The following EGFL6 variants were observed in gnomAD, a reference collection of about 807,000 sequenced individuals.
The protein encoded by EGFL6 is epidermal growth factor-like protein 6.
A neutral mutation model predicts 43.1 loss-of-function variants in EGFL6; 42 were observed. That is an observed-to-expected ratio of 0.98 (90% CI 0.76 to 1.26). The LOEUF (loss-of-function observed/expected upper bound fraction) is 1.26, where lower values mean the gene tolerates loss of function less well. Among genes scored for constraint, EGFL6 ranks in the 50% most tolerant of loss-of-function variants. The probability of loss-of-function intolerance (pLI) is 0.00; values close to 1 mark genes in which losing one functional copy is unlikely to be tolerated. For synonymous variants in EGFL6, 164 were observed against 163.2 expected (o/e 1.01, Z -0.04); for missense variants, 429 against 427.8 (o/e 1.00, Z -0.02).
chrX:13,575,028 A>G (rs2045463896), intron 1 of EGFL6: 1 of 115,624 alleles, frequency 8.6e-6, no homozygotes, highest in African/African-American at 3.2e-5. Flanking sequence ...TGATTCTGAT[A>G]TCATTAGAAG....
intron 9 of EGFL6, among the ~76,000 whole-genome samples, chrX:13,619,676 CAATA>C (rs1345122848): frequency 8.9e-6 from 1 of 111,973 alleles, no homozygotes; most frequent in Non-Finnish European, 1.9e-5. Flanking sequence ...TGGCCTACAG[CAATA>C]AATATTTATT....
At position 13,633,282 on chromosome X, in the gene EGFL6, T is replaced by C. The variant is rs759203618; in HGVS notation, c.*187T>C. 1 of 367,449 alleles carries C rather than the reference T, an allele frequency of 2.7e-6. No homozygotes were observed. Among genetic ancestry groups the C allele is most frequent in the East Asian group, 4.9e-5 (1 of 20,317 alleles). The allele number at this position is 367,449 out of a possible 1,213,427, so 30.3% of individuals were successfully genotyped here. On this transcript the variant is annotated 3_prime_UTR_variant, in exon 12 of 12. Transcript: ENST00000361306. ...TTGCTTTAAATATCATATCACTGTA[T>C]CTTCTCAGTCATTTCTGAATCTTTC...
intron 5 of EGFL6, among the ~76,000 whole-genome samples, chrX:13,603,976 A>G (rs956916661): frequency 4.5e-5 from 5 of 112,272 alleles, no homozygotes; most frequent in African/African-American, 1.6e-4. Context: ...AAATGAGCAG[A>G]TTAAGTCCAT....
chrX:13,623,350 TA>T (rs1207204854), intron 9 of EGFL6, among the ~76,000 whole-genome samples: 5 of 103,236 alleles, frequency 4.8e-5, no homozygotes, highest in African/African-American at 1.8e-4. Flanking sequence ...TTTTTTTTTT[TA>T]AAAAAGGGTT....
rs2045671250 is a variant in EGFL6, at chrX:13,608,328, A to C, written c.660A>C (p.Ile220=). Residue 220 remains isoleucine (I), a synonymous_variant, in exon 7 of 12, where the codon ATA becomes ATC. Coordinates refer to ENST00000361306, the MANE Select transcript of EGFL6 (RefSeq NM_015507.4). ...YISGRYDCID[I]NECTMDSHTC... ...CACTGGAATGTTCTTTTTTAGATATAAATGAATGTACTATGGATAGCCATA... is the reference window on the plus strand; with the variant it reads ...CACTGGAATGTTCTTTTTTAGATATCAATGAATGTACTATGGATAGCCATA... 8.3e-7 allele frequency: 1 copy of C among 1,209,076 alleles called. No homozygotes were observed. Among genetic ancestry groups the C allele is most frequent in the Admixed American group, 2.2e-5 (1 of 45,646 alleles).
intron 3 of EGFL6, among the ~76,000 whole-genome samples, chrX:13,597,082 C>G (rs911835298): frequency 8.9e-6 from 1 of 111,992 alleles, no homozygotes; most frequent in African/African-American, 3.3e-5. Context: ...GAATGGAGCC[C>G]AGGGATGCCG....
intron 11 of EGFL6, among the ~76,000 whole-genome samples, chrX:13,631,779 T>G (rs965048073): frequency 9.0e-6 from 1 of 111,285 alleles, no homozygotes; most frequent in Non-Finnish European, 1.9e-5. Context: ...AGAGCAAGAC[T>G]CCGTCTCACA....
At chrX:13,632,669 TAAAG>T (rs926661281) in intron 11 of EGFL6, among the ~76,000 whole-genome samples, 11 of 111,581 alleles carry the variant, frequency 9.9e-5, no homozygotes, top group African/African-American at 3.6e-4. Flanking sequence ...TTGGTTTTTG[TAAAG>T]AAAACCATAT....
rs2045735890 is a variant in EGFL6 at position 13,619,148 on chromosome X, A to C, written c.1103-15A>C. 8.3e-7 allele frequency: 1 copy of C among 1,204,452 alleles called. No homozygotes were observed. Among genetic ancestry groups the C allele is most frequent in the Non-Finnish European group, 1.1e-6 (1 of 888,978 alleles). On this transcript the variant is annotated splice_polypyrimidine_tract_variant and intron_variant, in intron 8 of 11. Transcript: ENST00000361306. The stretch of plus-strand genomic sequence containing the variant: ...TTAAGGTTTTTTTCTTAACTGACCA[A>C]GTGTTCTTTATTAGTCCCTAAGGTG...
At chrX:13,574,246 A>G (rs965471296) in intron 1 of EGFL6, among the ~76,000 whole-genome samples, 6 of 111,996 alleles carry the variant, frequency 5.4e-5, no homozygotes, top group Admixed American at 9.4e-5. Flanking sequence ...CTTTCAGCCT[A>G]CTGTGCACAC....
At chrX:13,593,905 C>T (rs190229565) in intron 2 of EGFL6, among the ~76,000 whole-genome samples, 84 of 111,251 alleles carry the variant, frequency 7.6e-4, no homozygotes, top group African/African-American at 2.7e-3. Context: ...TACTGTGAGC[C>T]AGGGGAATTG....
At chrX:13,604,620 T>A (rs917737660) in intron 5 of EGFL6, among the ~76,000 whole-genome samples, 24 of 112,243 alleles carry the variant, frequency 2.1e-4, no homozygotes, top group Non-Finnish European at 9.4e-5. Flanking sequence ...TTTCACTTTG[T>A]GCTTTGGTTC....
chrX:13,623,377 GT>G (rs774112791), intron 9 of EGFL6, among the ~76,000 whole-genome samples: 105 of 40,348 alleles, frequency 2.6e-3, no homozygotes, highest in East Asian at 6.5e-3. Context: ...TTTATTTTGG[GT>G]TTTTTTTTTT....
chrX:13,607,283 C>G (rs754192480), intron 6 of EGFL6, among the ~76,000 whole-genome samples: 1 of 110,813 alleles, frequency 9.0e-6, no homozygotes, highest in East Asian at 2.8e-4. Flanking sequence ...TTTCTCTGCC[C>G]GTAACACGTG....
At chrX:13,596,951 C>T (rs1394122457) in intron 3 of EGFL6, among the ~76,000 whole-genome samples, 1 of 112,167 alleles carries the variant, frequency 8.9e-6, no homozygotes, top group African/African-American at 3.2e-5. Context: ...GGGATATGGT[C>T]TTTGCTATAG....
In EGFL6 at chrX:13,613,157, C is replaced by CATATATATAT. The variant is rs35293457; in HGVS notation, c.779-4560_779-4551dup. ...GAGACTTCATCTCCATAAATATATA[C>CATATATATAT]ATATATATATATATATATATATGTC... On this transcript the variant is annotated intron_variant, in intron 7 of 11. Transcript: ENST00000361306. Among the ~76,000 whole-genome samples, 427 of 89,385 alleles carry CATATATATAT rather than the reference C, an allele frequency of 4.8e-3. 11 individuals are homozygous for CATATATATAT. The highest frequency in any genetic ancestry group is 0.018 in the African/African-American group (399 of 21,836). The allele number at this position is 89,385 out of a possible 115,157, so 77.6% of individuals were successfully genotyped here.
chrX:13,608,444 C>T lies in EGFL6; in HGVS notation c.776C>T (p.Ser259Phe). 1.7e-6 allele frequency: 2 copies of T among 1,210,413 alleles called. No homozygotes were observed. The highest frequency in any genetic ancestry group is 2.2e-6 in the Non-Finnish European group (2 of 894,638). ...TATAAAGGCAATGGACTTCGGTGTT[C>T]TGGTAAGTAGCATTTGGTCATGGTG... Reference protein sequence around the residue: ...QGYKGNGLRCSAIPENSVKEV... With the variant: ...QGYKGNGLRCFAIPENSVKEV... Residue 259 changes from serine to phenylalanine, a missense_variant and splice_region_variant, in exon 7 of 12, where the codon TCT becomes TTT. Coordinates refer to ENST00000361306, the MANE Select transcript of EGFL6 (RefSeq NM_015507.4).
At chrX:13,623,772 C>A in intron 9 of EGFL6, 52 bp from the exon 10 acceptor site, 1 of 1,029,026 alleles carries the variant, frequency 9.7e-7, no homozygotes, top group Non-Finnish European at 1.4e-6. Context: ...AAATGTTAGA[C>A]ACCTTCCTAA....
chrX:13,613,178 A>ATG (rs1477709136), intron 7 of EGFL6, among the ~76,000 whole-genome samples: 1 of 103,993 alleles, frequency 9.6e-6, no homozygotes, highest in Non-Finnish European at 1.9e-5. Context: ...ATATATATAT[A>ATG]TGTCATATAT....
Sources: gnomAD v4.1 joint callset for allele counts (sites outside exome capture counted in the v4.1 genomes callset) on GRCh38, gnomAD v4.1.1 for gene constraint, MANE v1.5 for transcripts, NCBI Gene and HGNC (gene_info 2026-07-23, HGNC 2026-07-21) for gene names.